The following TBCK variants were observed in gnomAD, a reference collection of about 807,000 sequenced individuals.
TBCK encodes the protein TBC1 domain containing kinase, also known as TBC domain-containing protein kinase-like protein.
Under a neutral mutation model 113.4 loss-of-function variants are expected in TBCK, and 99 were observed. The ratio of observed to expected loss-of-function variants is 0.87; its 90% CI spans 0.74 to 1.03. The LOEUF (loss-of-function observed/expected upper bound fraction) is 1.03, where lower values mean the gene tolerates loss of function less well. Ranked by LOEUF, TBCK falls within the 50% of genes least tolerant of loss-of-function variation. TBCK has a pLI of 0.00. For synonymous variants in TBCK, 369 were observed against 370.8 expected, an observed-to-expected ratio of 1.00 and a Z score of 0.05; for missense variants, 1,045 against 1,061.3, an observed-to-expected ratio of 0.98 and a Z score of 0.21.
chr4:106,278,429 C>T (rs1004781311), intron 3 of TBCK, among the ~76,000 whole-genome samples: 4 of 151,404 alleles, frequency 2.6e-5, no homozygotes, highest in South Asian at 2.1e-4. Flanking sequence ...CCTGGTGGTG[C>T]GTGCCTGTAA....
intron 22 of TBCK, among the ~76,000 whole-genome samples, chr4:106,177,146 C>T (rs1751768753): frequency 6.6e-6 from 1 of 151,800 alleles, no homozygotes; most frequent in Non-Finnish European, 1.5e-5. Context: ...TCTATGTCTC[C>T]TTTTCAGAAA....
At chr4:106,316,441 G>C, upstream of TBCK, 1 of 1,127,180 alleles carries the variant, frequency 8.9e-7, no homozygotes, top group East Asian at 2.6e-5. Context: ...AGCACAGGAA[G>C]AGGAAGAAAG....
At chr4:106,191,964 A>G (rs564093102) in intron 22 of TBCK, among the ~76,000 whole-genome samples, 35 of 152,306 alleles carry the variant, frequency 2.3e-4, no homozygotes, top group Middle Eastern at 6.8e-3. Flanking sequence ...TTGAATGATC[A>G]TTAGTAAGAA....
intron 3 of TBCK, among the ~76,000 whole-genome samples, chr4:106,266,418 C>T (rs540646076): frequency 2.0e-4 from 31 of 151,378 alleles, no homozygotes; most frequent in Non-Finnish European, 3.4e-4. Context: ...AGATGTCTTT[C>T]TCATGAAATT....
chr4:106,124,382 G>T (rs928074401), intron 23 of TBCK, among the ~76,000 whole-genome samples: 1 of 152,134 alleles, frequency 6.6e-6, no homozygotes, highest in Non-Finnish European at 1.5e-5. Context: ...GAGAAATAGG[G>T]ACATTTTTAC....
intron 3 of TBCK, among the ~76,000 whole-genome samples, chr4:106,288,744 G>A (rs1765374607): frequency 6.6e-6 from 1 of 152,184 alleles, no homozygotes; most frequent in African/African-American, 2.4e-5. Context: ...AACAGGTTGA[G>A]CATCCCTAAT....
At position 106,140,509 on chromosome 4, in the gene TBCK, T is replaced by C. The variant is rs557871550; in HGVS notation, c.2236-24131A>G. 3.9e-3 allele frequency among the ~76,000 whole-genome samples: 543 copies of C among 140,288 alleles called. 93 individuals carry two copies. Among genetic ancestry groups the C allele is most frequent in the South Asian group, 0.011 (45 of 4,166 alleles). The allele number at this position is 140,288 out of a possible 152,430, so 92.0% of individuals were successfully genotyped here. A position where few individuals can be genotyped will look rare whatever the true frequency, so the allele number is the denominator to read the frequency against. On this transcript the variant is annotated intron_variant, in intron 23 of 25. Coordinates refer to ENST00000394708, the MANE Select transcript of TBCK (RefSeq NM_001163435.3). ...CAAGAATTAACCAACAAATGACAAA[T>C]GGGAATATAAAGCCACAAGTTGGTA... is the stretch of plus-strand genomic sequence containing the variant.
intron 23 of TBCK, among the ~76,000 whole-genome samples, chr4:106,130,616 AC>A: frequency 1.3e-5 from 2 of 151,682 alleles, no homozygotes; most frequent in Middle Eastern, 6.8e-3. Flanking sequence ...ACACACACAC[AC>A]ACACACACAC....
At chr4:106,307,710 T>C (rs1297673222) in intron 2 of TBCK, among the ~76,000 whole-genome samples, 1 of 152,124 alleles carries the variant, frequency 6.6e-6, no homozygotes, top group East Asian at 1.9e-4. Flanking sequence ...TTAAATACAT[T>C]TCACTGAAAT....
chr4:106,215,021 C>T (rs928189179), intron 19 of TBCK, among the ~76,000 whole-genome samples: 33 of 150,808 alleles, frequency 2.2e-4, no homozygotes, highest in African/African-American at 8.1e-4. Flanking sequence ...GATCTCTCGG[C>T]AGAAACCCTA....
At chr4:106,148,417 C>T (rs1357357355) in intron 23 of TBCK, among the ~76,000 whole-genome samples, 1 of 152,162 alleles carries the variant, frequency 6.6e-6, no homozygotes, top group Non-Finnish European at 1.5e-5. Flanking sequence ...TACTCTGTCC[C>T]TTTATTTCTC....
chr4:106,177,624 A>C (rs2149762458), intron 22 of TBCK, among the ~76,000 whole-genome samples: 1 of 152,110 alleles, frequency 6.6e-6, no homozygotes, highest in South Asian at 2.1e-4. Context: ...CACCTGTGTC[A>C]AAAGTAAGTT....
chr4:106,117,788 T>A lies in TBCK; in HGVS notation c.2236-1410A>T, dbSNP rs542414433. Among the ~76,000 whole-genome samples the A allele has an allele frequency of 2.6e-4, 39 of 152,200 alleles. No homozygotes were observed. In the South Asian group the frequency reaches 7.9e-3, roughly 31 times the overall value. On this transcript the variant is annotated intron_variant, in intron 23 of 25. Transcript: ENST00000394708. ...ACTTTGGGAGGCTGAAGTGGGTGGA[T>A]TACGAGGTCAGGAAATGGAGACCAT...
chr4:106,084,393 G>A (rs1196063197), intron 25 of TBCK, among the ~76,000 whole-genome samples: 4 of 152,068 alleles, frequency 2.6e-5, no homozygotes, highest in Admixed American at 2.0e-4. Flanking sequence ...AGAGAAAAAA[G>A]AATGAAAAGG....
rs138494114 is a variant in TBCK at position 106,203,391 on chromosome 4, T to G, written c.1861-8637A>C. On this transcript the variant is annotated intron_variant, in intron 20 of 25. Transcript: ENST00000394708. Reference sequence around the variant, plus strand: ...TTTTAATACAGTTTTTTACTATGCTTTATTCTACTTCTGCAAATTATTCAC... The same window carrying G: ...TTTTAATACAGTTTTTTACTATGCTGTATTCTACTTCTGCAAATTATTCAC... Among the ~76,000 whole-genome samples, 1,084 of 151,726 alleles carry G rather than the reference T, an allele frequency of 7.1e-3. 5 individuals are homozygous for G. Among genetic ancestry groups the G allele is most frequent in the Non-Finnish European group, 0.011 (748 of 67,804 alleles).
intron 19 of TBCK, among the ~76,000 whole-genome samples, chr4:106,222,641 T>A (rs1757831665): frequency 6.6e-6 from 1 of 152,136 alleles, no homozygotes; most frequent in African/African-American, 2.4e-5. Context: ...TAGTCTATCA[T>A]GAAGATGATA....
At chr4:106,202,597 A>G (rs1404584870) in intron 20 of TBCK, among the ~76,000 whole-genome samples, 1 of 152,118 alleles carries the variant, frequency 6.6e-6, no homozygotes, top group Non-Finnish European at 1.5e-5. Context: ...AACAGGGGAA[A>G]ATGTTTTACA....
At chr4:106,221,856 TGTCTG>T (rs1360552001) in intron 19 of TBCK, among the ~76,000 whole-genome samples, 1 of 152,096 alleles carries the variant, frequency 6.6e-6, no homozygotes, top group Non-Finnish European at 1.5e-5. Flanking sequence ...AAAACCTACC[TGTCTG>T]GTACTATGCT....
At chr4:106,308,746 G>A (rs1259863730) in intron 2 of TBCK, 22 bp downstream of exon 2, 3 of 1,590,810 alleles carry the variant, frequency 1.9e-6, no homozygotes, top group Non-Finnish European at 2.6e-6. Context: ...ACATAAATAG[G>A]AAAAAAAAGA....
Sources: allele counts gnomAD v4.1 joint callset (sites outside exome capture counted in the v4.1 genomes callset), GRCh38; gene constraint gnomAD v4.1.1; transcripts MANE v1.5; gene names NCBI Gene and HGNC (gene_info 2026-07-23, HGNC 2026-07-21).